Variants in DIS3L2 observed in about 807,000 individuals in gnomAD.
The protein encoded by DIS3L2 is DIS3-like exonuclease 2.
A neutral mutation model predicts 97.5 loss-of-function variants in DIS3L2; 34 were observed. That is an observed-to-expected ratio of 0.35 (90% CI 0.27 to 0.46). DIS3L2 has a LOEUF of 0.46. DIS3L2 is among the 20% of genes least tolerant of loss of function. The pLI is 1.00. For synonymous variants in DIS3L2, 435 were observed against 445.2 expected, an observed-to-expected ratio of 0.98 and a Z score of 0.29; for missense variants, 1,038 against 1,146.0, an observed-to-expected ratio of 0.91 and a Z score of 1.36.
At chr2:232,245,310 C>G (rs1250134606) in intron 11 of DIS3L2, among the ~76,000 whole-genome samples, 1 of 152,180 alleles carries the variant, frequency 6.6e-6, no homozygotes, top group Non-Finnish European at 1.5e-5. Context: ...GGGTCTCCCC[C>G]TGACATAATG....
In DIS3L2 at chr2:232,116,183, TGA is replaced by T. The variant is rs1491325730; in HGVS notation, c.602-14435_602-14434del. ...TGAGACTTGGTCTTAAATAAATAAA[TGA>T]ATAAATAAATAAATAAATAAATAAA... On this transcript the variant is annotated intron_variant, in intron 6 of 20. Coordinates refer to ENST00000325385, the MANE Select transcript of DIS3L2 (RefSeq NM_152383.5). Among the ~76,000 whole-genome samples the T allele has an allele frequency of 9.7e-3, 156 of 16,026 alleles. 4 individuals carry two copies. The highest frequency in any genetic ancestry group is 3.2e-3 in the Non-Finnish European group (19 of 5,964). The allele number at this position is 16,026 out of a possible 152,430, so 10.5% of individuals were successfully genotyped here. A position where few individuals can be genotyped will look rare whatever the true frequency, so the allele number is the denominator to read the frequency against.
chr2:231,977,706 C>T (rs1281372423), intron 1 of DIS3L2, among the ~76,000 whole-genome samples: 1 of 152,166 alleles, frequency 6.6e-6, no homozygotes. Context: ...TGCAAATACT[C>T]AATTGGACTC....
chr2:232,301,058 A>G (rs7601963), intron 14 of DIS3L2, among the ~76,000 whole-genome samples: 29,814 of 152,148 alleles, frequency 0.2, 4,122 homozygotes, highest in East Asian at 0.49. Flanking sequence ...TGGTAATGAC[A>G]GCGGCTACCA....
At chr2:232,058,626 G>A (rs570137257) in intron 5 of DIS3L2, among the ~76,000 whole-genome samples, 42 of 152,216 alleles carry the variant, frequency 2.8e-4, no homozygotes, top group African/African-American at 8.9e-4. Flanking sequence ...GGCTTCCTGC[G>A]CTTCCAAATT....
intron 6 of DIS3L2, among the ~76,000 whole-genome samples, chr2:232,118,198 T>C (rs767364622): frequency 2.0e-5 from 3 of 152,160 alleles, no homozygotes; most frequent in Non-Finnish European, 2.9e-5. Flanking sequence ...CACGGTCTTA[T>C]GGAAGCTAAT....
chr2:232,233,549 A>G (rs1393875391), intron 10 of DIS3L2, among the ~76,000 whole-genome samples: 1 of 152,142 alleles, frequency 6.6e-6, no homozygotes, highest in Non-Finnish European at 1.5e-5. Flanking sequence ...ACAACACATA[A>G]TATTGTTTTA....
chr2:232,329,785 T>TGCCGGGGGGCGG, intron 14 of DIS3L2, 28 bp from the exon 15 acceptor site: 2 of 967,144 alleles, frequency 2.1e-6, no homozygotes, highest in Non-Finnish European at 1.5e-6. Flanking sequence ...ACCCCAGCGG[T>TGCCGGGGGGCGG]CCCTCCCATC....
At chr2:232,067,166 T>C (rs1695874319) in intron 5 of DIS3L2, among the ~76,000 whole-genome samples, 1 of 152,144 alleles carries the variant, frequency 6.6e-6, no homozygotes, top group African/African-American at 2.4e-5. Flanking sequence ...TATCTTTCCT[T>C]CCACTTATTT....
chr2:231,989,339 T>TTTTGTG (rs149653172), intron 1 of DIS3L2, among the ~76,000 whole-genome samples: 1 of 146,692 alleles, frequency 6.8e-6, no homozygotes, highest in African/African-American at 2.5e-5. Context: ...GTCAGTATAA[T>TTTTGTG]TGTGTGTGTG....
chr2:232,142,338 A>G (rs960570040), intron 8 of DIS3L2, among the ~76,000 whole-genome samples: 1 of 152,156 alleles, frequency 6.6e-6, no homozygotes, highest in Non-Finnish European at 1.5e-5. Flanking sequence ...AGTTAAAGGA[A>G]TGGAGGAGAA....
chr2:232,214,370 G>A (rs1213651435), intron 10 of DIS3L2, among the ~76,000 whole-genome samples: 1 of 152,178 alleles, frequency 6.6e-6, no homozygotes, highest in African/African-American at 2.4e-5. Flanking sequence ...ATCCTTCCCT[G>A]TAATGATCTG....
intron 17 of DIS3L2, 135 bp from the exon 18 acceptor site, chr2:232,334,234 T>C (rs1239322940): frequency 3.1e-6 from 4 of 1,275,476 alleles, no homozygotes; most frequent in African/African-American, 1.5e-5. Flanking sequence ...AGGGCCGCTT[T>C]CTGCTGCCCT....
chr2:232,282,692 A>C (rs376112452), intron 13 of DIS3L2, among the ~76,000 whole-genome samples: 1 of 152,118 alleles, frequency 6.6e-6, no homozygotes, highest in Non-Finnish European at 1.5e-5. Flanking sequence ...ACCTAATTCA[A>C]TCACACATCT....
At chr2:232,250,593 A>T (rs1693389089) in intron 12 of DIS3L2, among the ~76,000 whole-genome samples, 1 of 152,162 alleles carries the variant, frequency 6.6e-6, no homozygotes, top group Non-Finnish European at 1.5e-5. Context: ...GAGTGAGGCT[A>T]ACAACAGTAT....
intron 14 of DIS3L2, among the ~76,000 whole-genome samples, chr2:232,307,982 A>G (rs1695030258): frequency 1.3e-5 from 2 of 152,114 alleles, no homozygotes; most frequent in Non-Finnish European, 2.9e-5. Flanking sequence ...AGCTGCAGGG[A>G]GTGCTGATTC....
At chr2:232,039,320 A>G (rs570853068) in intron 5 of DIS3L2, among the ~76,000 whole-genome samples, 16 of 152,266 alleles carry the variant, frequency 1.1e-4, no homozygotes, top group African/African-American at 3.4e-4. Flanking sequence ...ATACTGGCCA[A>G]TTGTCTTACA....
chr2:232,093,306 G>A (rs1696899880), intron 6 of DIS3L2, among the ~76,000 whole-genome samples: 1 of 151,880 alleles, frequency 6.6e-6, no homozygotes, highest in Admixed American at 6.6e-5. Context: ...TTTTGTTGAG[G>A]ATTTTTGCAT....
chr2:231,962,406 C>T (rs1692587853), intron 1 of DIS3L2, among the ~76,000 whole-genome samples: 1 of 151,748 alleles, frequency 6.6e-6, no homozygotes, highest in Non-Finnish European at 1.5e-5. Context: ...TCTCTCCCCT[C>T]CTTCCAGTAG....
chr2:231,975,555 G>C (rs988196368), intron 1 of DIS3L2, among the ~76,000 whole-genome samples: 1 of 151,590 alleles, frequency 6.6e-6, no homozygotes, highest in Non-Finnish European at 1.5e-5. Flanking sequence ...ATGCAAAAAA[G>C]TTAGCCAGGC....
Sources: allele counts gnomAD v4.1 joint callset (sites outside exome capture counted in the v4.1 genomes callset), GRCh38; gene constraint gnomAD v4.1.1; transcripts MANE v1.5; gene names NCBI Gene and HGNC (gene_info 2026-07-23, HGNC 2026-07-21).